Variants in PAPPA2 observed in about 807,000 individuals in gnomAD.
PAPPA2 encodes pappalysin 2, also known as pappalysin-2.
A neutral mutation model predicts 176.4 loss-of-function variants in PAPPA2; 86 were observed. That is an observed-to-expected ratio of 0.49 (90% CI 0.41 to 0.58). The LOEUF is 0.58. PAPPA2 is among the 20% of genes least tolerant of loss of function. The pLI is 0.00. For missense variants in PAPPA2, 2,073 were observed against 2,256.9 expected (o/e 0.92, Z 1.65); for synonymous variants, 809 against 852.2 (o/e 0.95, Z 0.88).
intron 21 of PAPPA2, among the ~76,000 whole-genome samples, chr1:176,816,373 TCACG>T (rs915482735): frequency 1.2e-4 from 7 of 56,424 alleles, no homozygotes; most frequent in Non-Finnish European, 3.1e-4. Context: ...TCTGACATCA[TCACG>T]CACACACACA....
intron 3 of PAPPA2, among the ~76,000 whole-genome samples, chr1:176,647,279 G>A (rs1657448896): frequency 6.6e-6 from 1 of 151,402 alleles, no homozygotes; most frequent in African/African-American, 2.4e-5. Flanking sequence ...TTCCAATTGA[G>A]TTGTTTGAGC....
rs767505092 is a variant in PAPPA2 at position 176,699,554 on chromosome 1, G to A, written c.3201G>A (p.Val1067=). 4 of 1,609,278 alleles carry A rather than the reference G, an allele frequency of 2.5e-6. No homozygotes were observed. The highest frequency in any genetic ancestry group is 3.4e-6 in the Non-Finnish European group (4 of 1,176,098). ...CCCCATTTGCCAGTGGTTTGCCCGT[G>A]GTGGTGACACATTCTCACAGGAAGT... The part of the protein sequence containing the change: ...RDPPFASGLP[V]VVTHSHRKFT... Residue 1067 remains valine (V), a synonymous_variant, in exon 8 of 23, where the codon GTG becomes GTA. Coordinates refer to ENST00000367662, the MANE Select transcript of PAPPA2 (RefSeq NM_020318.3).
chr1:176,841,205 C>A (rs1287990130), intron 22 of PAPPA2, among the ~76,000 whole-genome samples: 9 of 152,108 alleles, frequency 5.9e-5, no homozygotes, highest in Non-Finnish European at 1.0e-4. Flanking sequence ...GGTCAGAAAT[C>A]AGGCCAGCTA....
At chr1:176,831,775 A>G (rs1350144252) in intron 21 of PAPPA2, among the ~76,000 whole-genome samples, 1 of 152,196 alleles carries the variant, frequency 6.6e-6, no homozygotes, top group Non-Finnish European at 1.5e-5. Flanking sequence ...AGCACATATC[A>G]GAGAAGAAAT....
At chr1:176,666,110 A>T (rs1396502508) in intron 3 of PAPPA2, among the ~76,000 whole-genome samples, 1 of 152,218 alleles carries the variant, frequency 6.6e-6, no homozygotes, top group Admixed American at 6.5e-5. Context: ...AACTTTTAAA[A>T]ATTAGAACTG....
At chr1:176,483,673 A>AT in intron 1 of PAPPA2, among the ~76,000 whole-genome samples, 1 of 151,776 alleles carries the variant, frequency 6.6e-6, no homozygotes, top group East Asian at 2.0e-4. Context: ...GTTTCACTAT[A>AT]TTGGCCAGGC....
chr1:176,608,705 A>G (rs536466260), intron 3 of PAPPA2, among the ~76,000 whole-genome samples: 109 of 152,248 alleles, frequency 7.2e-4, no homozygotes, highest in Non-Finnish European at 1.1e-3. Context: ...TTTTTATTCA[A>G]GATTCTCAAA....
chr1:176,816,302 A>G (rs1452384684), intron 21 of PAPPA2, among the ~76,000 whole-genome samples: 1 of 145,706 alleles, frequency 6.9e-6, no homozygotes, highest in East Asian at 2.0e-4. Context: ...TGCTAATCTT[A>G]ATTTTTTGAT....
At position 176,832,141 on chromosome 1, in the gene PAPPA2, A is replaced by G. The variant is rs192820519; in HGVS notation, c.5203-8032A>G. ...GTTTTCTTGCTGCTTTCATAAAATT[A>G]TGAATTATTGAATGCTTGCTATAGG... On this transcript the variant is annotated intron_variant, in intron 21 of 22. Transcript: ENST00000367662. 3.9e-5 allele frequency among the ~76,000 whole-genome samples: 6 copies of G among 152,318 alleles called. No homozygotes were observed. The East Asian group carries it at 1.2e-3, about 29-fold the overall frequency.
intron 3 of PAPPA2, among the ~76,000 whole-genome samples, chr1:176,623,643 C>CTTTCTTTCTTTCTT (rs1655759281): frequency 8.0e-6 from 1 of 125,500 alleles, no homozygotes; most frequent in African/African-American, 3.2e-5. Flanking sequence ...TTCTTTCTTT[C>CTTTCTTTCTTTCTT]TTTCTTTCTT....
At chr1:176,588,395 C>G (rs1178011322) in intron 2 of PAPPA2, among the ~76,000 whole-genome samples, 1 of 152,140 alleles carries the variant, frequency 6.6e-6, no homozygotes, top group Non-Finnish European at 1.5e-5. Context: ...CTTTGAATAC[C>G]CTTTATTTCT....
chr1:176,532,357 G>A (rs370787815), intron 1 of PAPPA2, among the ~76,000 whole-genome samples: 27 of 152,300 alleles, frequency 1.8e-4, no homozygotes, highest in South Asian at 6.2e-4. Context: ...GGGAAGCCAA[G>A]CACGTCCCTG....
At chr1:176,520,613 T>C (rs1047997378) in intron 1 of PAPPA2, among the ~76,000 whole-genome samples, 7 of 152,178 alleles carry the variant, frequency 4.6e-5, no homozygotes, top group Admixed American at 1.3e-4. Flanking sequence ...CTCATGTTTT[T>C]TGGGTAAGCT....
At chr1:176,528,623 T>A (rs78731669) in intron 1 of PAPPA2, among the ~76,000 whole-genome samples, 7,579 of 152,332 alleles carry the variant, frequency 0.05, 256 homozygotes, top group Non-Finnish European at 0.078. Flanking sequence ...CAATTCTGTC[T>A]TTTGTTGTTT....
chr1:176,702,424 G>A (rs1660691819), intron 8 of PAPPA2, among the ~76,000 whole-genome samples, 183 bp from the exon 9 acceptor site: 1 of 152,242 alleles, frequency 6.6e-6, no homozygotes, highest in African/African-American at 2.4e-5. Flanking sequence ...AATAAATATG[G>A]TTTCAAACCT....
At chr1:176,697,955 A>C (rs1660461669) in intron 7 of PAPPA2, among the ~76,000 whole-genome samples, 2 of 152,190 alleles carry the variant, frequency 1.3e-5, no homozygotes, top group Non-Finnish European at 2.9e-5. Context: ...CACACAATAT[A>C]GGCAAAAAAC....
Position 176,685,163 on chromosome 1 carries a change from G to A in PAPPA2, c.2138-4974G>A, listed in dbSNP as rs562191824. 3.9e-5 allele frequency among the ~76,000 whole-genome samples: 6 copies of A among 152,026 alleles called. No homozygotes were observed. In the South Asian group the frequency reaches 1.0e-3, roughly 26 times the overall value. On this transcript the variant is annotated intron_variant, in intron 4 of 22. Coordinates refer to ENST00000367662, the MANE Select transcript of PAPPA2 (RefSeq NM_020318.3). ...GCAAATGAACGTGTACTGCCAGACT[G>A]CACATAGAATAATAATATTGACAAG...
Position 176,574,334 on chromosome 1 carries a change from A to G in PAPPA2, c.919+17093A>G, listed in dbSNP as rs528649372. Among the ~76,000 whole-genome samples the G allele has an allele frequency of 8.5e-5, 13 of 152,290 alleles. No individual in the cohort carries two copies. The South Asian group carries it at 2.5e-3, about 29-fold the overall frequency. On this transcript the variant is annotated intron_variant, in intron 2 of 22. Coordinates refer to ENST00000367662, the MANE Select transcript of PAPPA2 (RefSeq NM_020318.3). ...GACCGTATAAATTAATACTATTATTATCTCCATTTACTGGATGGGGAAAAT... is the reference window on the plus strand; with the variant it reads ...GACCGTATAAATTAATACTATTATTGTCTCCATTTACTGGATGGGGAAAAT...
intron 12 of PAPPA2, among the ~76,000 whole-genome samples, chr1:176,739,124 G>A (rs2102872599): frequency 6.6e-6 from 1 of 152,296 alleles, no homozygotes; most frequent in African/African-American, 2.4e-5. Flanking sequence ...CATGCTATGT[G>A]AGAGGTTCTG....
Sources: allele counts gnomAD v4.1 joint callset (sites outside exome capture counted in the v4.1 genomes callset), GRCh38; gene constraint gnomAD v4.1.1; transcripts MANE v1.5; gene names NCBI Gene and HGNC (gene_info 2026-07-23, HGNC 2026-07-21).